The following KCNMA1 variants were observed in gnomAD, a reference collection of about 807,000 sequenced individuals.
KCNMA1 encodes Calcium-activated potassium channel subunit alpha-1.
Under a neutral mutation model 140.0 loss-of-function variants are expected in KCNMA1, and 29 were observed. That is an observed-to-expected ratio of 0.21 (90% confidence interval 0.15 to 0.28). The LOEUF is 0.28. Ranked by LOEUF, KCNMA1 falls within the 10% of genes least tolerant of loss-of-function variation. The pLI is 1.00. For synonymous variants in KCNMA1, 612 were observed against 611.9 expected, an observed-to-expected ratio of 1.00 and a Z score of 0.00; for missense variants, 880 against 1,602.2, an observed-to-expected ratio of 0.55 and a Z score of 7.70.
chr10:77,345,867 T>C (rs551668460), intron 2 of KCNMA1, among the ~76,000 whole-genome samples: 3 of 152,272 alleles, frequency 2.0e-5, no homozygotes, highest in African/African-American at 7.2e-5. Flanking sequence ...GATAAATGAA[T>C]GAGGGATCCC....
At chr10:76,986,019 C>T (rs1019391227) in intron 19 of KCNMA1, among the ~76,000 whole-genome samples, 12 of 152,208 alleles carry the variant, frequency 7.9e-5, no homozygotes, top group Admixed American at 3.3e-4. Context: ...CAAAGGGCCC[C>T]GGTAAATGAA....
chr10:76,972,110 G>C (rs1425073352), intron 19 of KCNMA1, among the ~76,000 whole-genome samples: 1 of 152,152 alleles, frequency 6.6e-6, no homozygotes, highest in African/African-American at 2.4e-5. Flanking sequence ...TTGGTGTATT[G>C]TGTTCAGGGT....
intron 2 of KCNMA1, among the ~76,000 whole-genome samples, chr10:77,392,859 A>G (rs1187385795): frequency 6.6e-6 from 1 of 152,200 alleles, no homozygotes; most frequent in Non-Finnish European, 1.5e-5. Flanking sequence ...CTGCCCTGTC[A>G]GCCTCGCCCC....
chr10:77,454,242 A>G (rs2097717641), intron 1 of KCNMA1, among the ~76,000 whole-genome samples: 1 of 152,142 alleles, frequency 6.6e-6, no homozygotes, highest in Non-Finnish European at 1.5e-5. Flanking sequence ...CTGCAACCAC[A>G]TCTACAGTGT....
At chr10:77,119,338 G>C (rs1486514277) in intron 6 of KCNMA1, among the ~76,000 whole-genome samples, 1 of 152,168 alleles carries the variant, frequency 6.6e-6, no homozygotes, top group Non-Finnish European at 1.5e-5. Flanking sequence ...CAAAATGCTG[G>C]CATCAGAGAA....
intron 2 of KCNMA1, among the ~76,000 whole-genome samples, chr10:77,365,976 A>T (rs1274729155): frequency 6.6e-6 from 1 of 152,196 alleles, no homozygotes; most frequent in Admixed American, 6.5e-5. Context: ...AAAGACAATA[A>T]TATATAAGGG....
intron 15 of KCNMA1, among the ~76,000 whole-genome samples, chr10:77,037,217 A>G (rs2094393208): frequency 6.6e-6 from 1 of 152,204 alleles, no homozygotes; most frequent in Non-Finnish European, 1.5e-5. Flanking sequence ...GCAAACTCAC[A>G]CAACCACAGG....
At chr10:77,181,288 G>A (rs2098800460) in intron 5 of KCNMA1, among the ~76,000 whole-genome samples, 1 of 152,216 alleles carries the variant, frequency 6.6e-6, no homozygotes, top group African/African-American at 2.4e-5. Flanking sequence ...GCTCAGTGAA[G>A]AAGGCAGATC....
chr10:77,375,927 C>A (rs1177407386), intron 2 of KCNMA1, among the ~76,000 whole-genome samples: 2 of 152,224 alleles, frequency 1.3e-5, no homozygotes, highest in Non-Finnish European at 2.9e-5. Flanking sequence ...TCTGCACAGT[C>A]CTGCTGCCTT....
chr10:77,080,856 G>T (rs1170533395), intron 12 of KCNMA1, among the ~76,000 whole-genome samples: 2 of 152,128 alleles, frequency 1.3e-5, no homozygotes, highest in Non-Finnish European at 2.9e-5. Flanking sequence ...ATGACAAATG[G>T]TTCTAATTGT....
rs191306089 is a variant in KCNMA1, at chr10:76,927,785, G to A, written c.2903-12736C>T. Among the ~76,000 whole-genome samples, 94 of 152,272 alleles carry A rather than the reference G, an allele frequency of 6.2e-4. 1 individual carries two copies. The East Asian group carries it at 0.014, about 23-fold the overall frequency. ...GGAAAGGGTCAGGTAATTTACCAACGTTGTATGTCTAGTTTTGTTGTTGGT... is the reference window on the plus strand; with the variant it reads ...GGAAAGGGTCAGGTAATTTACCAACATTGTATGTCTAGTTTTGTTGTTGGT... On this transcript the variant is annotated intron_variant, in intron 23 of 27. Transcript: ENST00000286628.
chr10:77,332,064 C>A (rs1255495787), intron 2 of KCNMA1, among the ~76,000 whole-genome samples: 1 of 152,066 alleles, frequency 6.6e-6, no homozygotes, highest in Non-Finnish European at 1.5e-5. Context: ...AGGAACAAGA[C>A]ACAACCCCTG....
chr10:77,064,657 G>C (rs2095865826), intron 14 of KCNMA1, among the ~76,000 whole-genome samples: 1 of 152,190 alleles, frequency 6.6e-6, no homozygotes, highest in Non-Finnish European at 1.5e-5. Flanking sequence ...GTGGGCATTA[G>C]TGGGCTTGGT....
At chr10:77,491,657 G>T (rs1026776211) in intron 1 of KCNMA1, among the ~76,000 whole-genome samples, 4 of 151,386 alleles carry the variant, frequency 2.6e-5, no homozygotes, top group African/African-American at 4.9e-5. Flanking sequence ...AGGGACCACA[G>T]AACAAAAGGG....
chr10:77,030,748 A>G (rs1353491515), intron 15 of KCNMA1, among the ~76,000 whole-genome samples: 1 of 152,226 alleles, frequency 6.6e-6, no homozygotes, highest in Non-Finnish European at 1.5e-5. Context: ...CCTTGTATTC[A>G]TTCCTTAACC....
intron 5 of KCNMA1, among the ~76,000 whole-genome samples, chr10:77,138,766 A>G (rs1295618547): frequency 1.3e-5 from 2 of 152,166 alleles, no homozygotes; most frequent in African/African-American, 4.8e-5. Context: ...CGCCCTGCAC[A>G]CAGTGTCTCT....
rs549787848 is a variant in KCNMA1 at position 77,330,963 on chromosome 10, G to A, written c.540+72899C>T. On this transcript the variant is annotated intron_variant, in intron 2 of 27. Coordinates refer to ENST00000286628, the MANE Select transcript of KCNMA1 (RefSeq NM_001161352.2). The stretch of plus-strand genomic sequence containing the variant: ...TTGGCACAGAGATGGGATTAAATAG[G>A]AGGGTCCTATTGTTATTATTACTAT... 2.0e-5 allele frequency among the ~76,000 whole-genome samples: 3 copies of A among 152,288 alleles called. No individual in the cohort carries two copies. The East Asian group carries it at 5.8e-4, about 29-fold the overall frequency.
chr10:76,949,342 C>T lies in KCNMA1; in HGVS notation c.2509G>A (p.Val837Ile), dbSNP rs752871117. 6.8e-6 allele frequency: 11 copies of T among 1,613,840 alleles called. No homozygotes were observed. The highest frequency in any genetic ancestry group is 5.5e-5 in the South Asian group (5 of 91,064). Residue 837 changes from valine to isoleucine, a missense_variant, in exon 22 of 28, where the codon GTC becomes ATC. This residue lies in a region of KCNMA1 where 82 missense variants were observed against 170.1 expected (regional missense o/e 0.48). Transcript: ENST00000286628. Reference sequence around the variant, plus strand: ...CAGACCACGACATGGCCACTCAGGACGGTCATGGCAGCTTCACTTCGAGTC... The same window carrying T: ...CAGACCACGACATGGCCACTCAGGATGGTCATGGCAGCTTCACTTCGAGTC... ...ILTRSEAAMT[V>I]LSGHVVVCIF... is the part of the protein sequence containing the mutation.
intron 1 of KCNMA1, among the ~76,000 whole-genome samples, chr10:77,428,116 T>G (rs1364410241): frequency 1.3e-5 from 2 of 152,148 alleles, no homozygotes; most frequent in Non-Finnish European, 2.9e-5. Flanking sequence ...CAATAAAGTC[T>G]GCTCCGTGAA....
Sources: allele counts gnomAD v4.1 joint callset (sites outside exome capture counted in the v4.1 genomes callset), GRCh38; gene constraint gnomAD v4.1.1; regional missense constraint gnomAD v4.1.1; transcripts MANE v1.5; gene names NCBI Gene and HGNC (gene_info 2026-07-23, HGNC 2026-07-21).